Variants in ANK3 observed in about 807,000 individuals in gnomAD.
ANK3 encodes the protein ankyrin 3.
A neutral mutation model predicts 370.9 loss-of-function variants in ANK3; 57 were observed. The observed-to-expected ratio is 0.15, with a 90% CI of 0.12 to 0.19. The LOEUF (loss-of-function observed/expected upper bound fraction) is 0.19. Ranked by LOEUF, ANK3 falls within the 10% of genes least tolerant of loss-of-function variation. The pLI, the probability that ANK3 is intolerant of heterozygous loss-of-function variation, is 1.00. For missense variants in ANK3, 4,439 were observed against 5,302.1 expected (o/e 0.84, Z 5.06); for synonymous variants, 1,929 against 1,946.3 (o/e 0.99, Z 0.23).
At chr10:60,061,423 ACTT>A (rs370721810) in intron 40 of ANK3, among the ~76,000 whole-genome samples, 1 of 152,194 alleles carries the variant, frequency 6.6e-6, no homozygotes, top group African/African-American at 2.4e-5. Context: ...CAACACAACT[ACTT>A]CTGTTGTGTT....
rs200837964 is a variant in ANK3, at chr10:60,263,863, T to C, written c.671A>G (p.Asn224Ser). 7.8e-5 allele frequency: 126 copies of C among 1,614,030 alleles called. No individual in the cohort carries two copies. Among genetic ancestry groups the C allele is most frequent in the Non-Finnish European group, 1.0e-4 (121 of 1,180,026 alleles). The change falls in exon 6 of 44, where the codon AAT (asparagine) becomes AGT (serine). Residue 224 changes from asparagine to serine, a missense_variant. Coordinates refer to ENST00000280772, the MANE Select transcript of ANK3 (RefSeq NM_020987.5). ...DTKAAALLLQNDNNADVESKS... is the reference protein window; with the variant it reads ...DTKAAALLLQSDNNADVESKS... ...TGATTCCACATCTGCATTGTTGTCA[T>C]TCTGCAGCAGCAGGGCGGCGGCTTT... is the stretch of plus-strand genomic sequence containing the variant.
intron 42 of ANK3, among the ~76,000 whole-genome samples, chr10:60,052,636 G>GGGAAAATATCTTTAGCTTTCACTT (rs2078298755): frequency 6.6e-6 from 1 of 152,144 alleles, no homozygotes; most frequent in African/African-American, 2.4e-5. Context: ...TAATTTGAAG[G>GGGAAAATATCTTTAGCTTTCACTT]GGAAAATATC....
At chr10:60,448,633 A>G (rs1429756890) in intron 2 of ANK3, among the ~76,000 whole-genome samples, 1 of 152,070 alleles carries the variant, frequency 6.6e-6, no homozygotes, top group African/African-American at 2.4e-5. Context: ...CATTTTCTCT[A>G]CTCATCAGTT....
At chr10:60,601,096 T>C (rs191945224) in intron 2 of ANK3, among the ~76,000 whole-genome samples, 2 of 152,034 alleles carry the variant, frequency 1.3e-5, no homozygotes, top group Admixed American at 6.6e-5. Flanking sequence ...GGAGAACTAA[T>C]AGATGTCAAA....
intron 28 of ANK3, among the ~76,000 whole-genome samples, chr10:60,100,579 AAAC>A (rs2091076181): frequency 6.6e-6 from 1 of 152,218 alleles, no homozygotes; most frequent in Admixed American, 6.5e-5. Flanking sequence ...GTTTACAATA[AAAC>A]AATAGTGTAA....
intron 2 of ANK3, among the ~76,000 whole-genome samples, chr10:60,547,459 G>A (rs1406771624): frequency 2.0e-5 from 3 of 151,750 alleles, no homozygotes; most frequent in East Asian, 1.9e-4. Context: ...GGAGTGGCGC[G>A]ATCTCGGCTC....
intron 16 of ANK3, among the ~76,000 whole-genome samples, chr10:60,194,950 C>A (rs2096560624): frequency 6.6e-6 from 1 of 152,052 alleles, no homozygotes; most frequent in Non-Finnish European, 1.5e-5. Flanking sequence ...GAGAGAGTAC[C>A]TAAAACTTGA....
intron 1 of ANK3, among the ~76,000 whole-genome samples, chr10:60,280,061 G>C (rs1007330268): frequency 2.6e-5 from 4 of 151,962 alleles, no homozygotes; most frequent in Non-Finnish European, 4.4e-5. Flanking sequence ...ATTCAAAATG[G>C]CATTATTCTT....
chr10:60,295,349 A>T (rs2042269199), intron 1 of ANK3, among the ~76,000 whole-genome samples: 1 of 152,122 alleles, frequency 6.6e-6, no homozygotes. Context: ...GTAAAATTTA[A>T]CTCAGAGGGC....
chr10:60,505,007 T>TA (rs1015873120), intron 2 of ANK3, among the ~76,000 whole-genome samples: 41 of 151,992 alleles, frequency 2.7e-4, no homozygotes, highest in African/African-American at 9.6e-4. Context: ...TGTAGTTATC[T>TA]AAAAAAAACT....
chr10:60,611,034 T>C (rs546218508), intron 2 of ANK3, among the ~76,000 whole-genome samples: 11 of 152,236 alleles, frequency 7.2e-5, no homozygotes, highest in Non-Finnish European at 1.3e-4. Context: ...TGATCATTCA[T>C]AAGATAATTT....
intron 23 of ANK3, among the ~76,000 whole-genome samples, chr10:60,141,878 A>T (rs1290808151): frequency 6.6e-6 from 1 of 152,138 alleles, no homozygotes; most frequent in East Asian, 1.9e-4. Context: ...TGTAATCAAC[A>T]TGGGAAATAC....
At chr10:60,229,252 G>T (rs1368633105) in intron 8 of ANK3, among the ~76,000 whole-genome samples, 1 of 151,886 alleles carries the variant, frequency 6.6e-6, no homozygotes, top group Non-Finnish European at 1.5e-5. Context: ...ACATTTTCAG[G>T]CTAGTTTCAA....
At chr10:60,421,101 T>C (rs1269007286) in intron 2 of ANK3, among the ~76,000 whole-genome samples, 1 of 152,066 alleles carries the variant, frequency 6.6e-6, no homozygotes, top group Non-Finnish European at 1.5e-5. Context: ...AAAAATACTG[T>C]ATGATTATAC....
At chr10:60,228,539 A>G (rs2097197821) in intron 8 of ANK3, among the ~76,000 whole-genome samples, 1 of 151,850 alleles carries the variant, frequency 6.6e-6, no homozygotes, top group African/African-American at 2.4e-5. Context: ...CTCCAAAAAA[A>G]AAAAAAAAAA....
At chr10:60,352,253 G>A (rs552813089) in intron 1 of ANK3, among the ~76,000 whole-genome samples, 7 of 152,118 alleles carry the variant, frequency 4.6e-5, no homozygotes, top group Non-Finnish European at 1.0e-4. Flanking sequence ...CTGTGATCAC[G>A]CCACTGTACT....
chr10:60,453,729 C>T (rs538529783), intron 2 of ANK3, among the ~76,000 whole-genome samples: 1 of 151,976 alleles, frequency 6.6e-6, no homozygotes, highest in East Asian at 1.9e-4. Flanking sequence ...AACACACAGG[C>T]ACACACACAC....
intron 1 of ANK3, among the ~76,000 whole-genome samples, chr10:60,713,720 T>A (rs1044649197): frequency 1.3e-5 from 2 of 151,958 alleles, no homozygotes; most frequent in Admixed American, 1.3e-4. Context: ...TAAAACCCCA[T>A]CTCTACTAAA....
intron 1 of ANK3, among the ~76,000 whole-genome samples, chr10:60,683,155 T>G (rs1304039756): frequency 6.6e-6 from 1 of 152,162 alleles, no homozygotes; most frequent in Non-Finnish European, 1.5e-5. Context: ...ATGACTGCTG[T>G]GGGGGTCTGA....
Sources: allele counts gnomAD v4.1 joint callset (sites outside exome capture counted in the v4.1 genomes callset), GRCh38; gene constraint gnomAD v4.1.1; transcripts MANE v1.5; gene names NCBI Gene and HGNC (gene_info 2026-07-23, HGNC 2026-07-21).